Variants in TMEM132C observed in about 807,000 individuals in gnomAD.
TMEM132C encodes transmembrane protein 132C, also known as protein phosphatase 1, regulatory subunit 152.
In TMEM132C, 29 loss-of-function variants were observed where a neutral mutation model predicts 61.4. The observed-to-expected ratio is 0.47, with a 90% CI of 0.35 to 0.64. The LOEUF is 0.64. Among genes scored for constraint, TMEM132C ranks in the 30% least tolerant of loss-of-function variants. The pLI is 0.00. For missense variants in TMEM132C, 1,408 were observed against 1,476.9 expected (o/e 0.95, Z 0.76); for synonymous variants, 656 against 633.1 (o/e 1.04, Z -0.54).
At chr12:128,533,943 G>GCACA (rs1354225104) in intron 2 of TMEM132C, among the ~76,000 whole-genome samples, 8 of 105,334 alleles carry the variant, frequency 7.6e-5, no homozygotes, top group Non-Finnish European at 1.7e-4. Context: ...TCACACATGC[G>GCACA]CACATACACA....
intron 6 of TMEM132C, 108 bp from the exon 7 acceptor site, chr12:128,695,722 C>G (rs1350492130): frequency 7.9e-7 from 1 of 1,271,084 alleles, no homozygotes; most frequent in Admixed American, 2.8e-5. Context: ...TCCTGGCGCT[C>G]GTGTCTTCAA....
At chr12:128,380,915 A>T (rs965617895) in intron 1 of TMEM132C, among the ~76,000 whole-genome samples, 2 of 152,174 alleles carry the variant, frequency 1.3e-5, no homozygotes, top group East Asian at 1.9e-4. Flanking sequence ...CTCATGGCCA[A>T]CTGCACCGTA....
intron 2 of TMEM132C, among the ~76,000 whole-genome samples, chr12:128,422,645 G>T (rs568410744): frequency 2.0e-5 from 3 of 152,134 alleles, no homozygotes; most frequent in Non-Finnish European, 4.4e-5. Context: ...ATGTCTCAAC[G>T]CAGTGAAGAG....
intron 1 of TMEM132C, among the ~76,000 whole-genome samples, chr12:128,403,233 GA>G (rs1875230716): frequency 6.6e-6 from 1 of 152,132 alleles, no homozygotes; most frequent in Non-Finnish European, 1.5e-5. Flanking sequence ...ATGGAGAGAG[GA>G]AAAAATATTC....
At chr12:128,575,178 A>C (rs1178242993) in intron 3 of TMEM132C, among the ~76,000 whole-genome samples, 1 of 152,218 alleles carries the variant, frequency 6.6e-6, no homozygotes, top group Non-Finnish European at 1.5e-5. Flanking sequence ...AAGTCATCAT[A>C]CCTTATAAAT....
intron 3 of TMEM132C, among the ~76,000 whole-genome samples, chr12:128,572,363 G>C (rs1874921911): frequency 6.6e-6 from 1 of 151,976 alleles, no homozygotes; most frequent in African/African-American, 2.4e-5. Context: ...ACTACTTGTG[G>C]CCTCTGCTGA....
At chr12:128,581,638 G>A (rs887323373) in intron 3 of TMEM132C, among the ~76,000 whole-genome samples, 3 of 152,226 alleles carry the variant, frequency 2.0e-5, no homozygotes, top group Non-Finnish European at 4.4e-5. Context: ...CCCAGCTGGA[G>A]TGCGTTTCAG....
intron 3 of TMEM132C, among the ~76,000 whole-genome samples, chr12:128,550,999 G>A (rs75401829): frequency 0.026 from 3,891 of 152,278 alleles, 186 homozygotes; most frequent in African/African-American, 0.089. Flanking sequence ...TTCCCACAGG[G>A]TCAGGCTGCA....
chr12:128,301,485 A>G (rs1377635723), intron 1 of TMEM132C, among the ~76,000 whole-genome samples: 1 of 152,212 alleles, frequency 6.6e-6, no homozygotes, highest in Non-Finnish European at 1.5e-5. Flanking sequence ...ATAGTTTCCC[A>G]TCTTCTTTTT....
chr12:128,622,866 A>G (rs1953981212), intron 4 of TMEM132C, among the ~76,000 whole-genome samples: 1 of 152,078 alleles, frequency 6.6e-6, no homozygotes, highest in Non-Finnish European at 1.5e-5. Context: ...CCAACTTCAA[A>G]ATGTTTCTAT....
Position 128,656,243 on chromosome 12 carries a change from G to T in TMEM132C, c.1306-13174G>T, listed in dbSNP as rs542528798. On this transcript the variant is annotated intron_variant, in intron 4 of 8. Transcript: ENST00000435159. ...TTTTTATATTTTTAGTAGAGACAGGGTTTCACCATGTTGGCCAGGCTGGTC... is the reference window on the plus strand; with the variant it reads ...TTTTTATATTTTTAGTAGAGACAGGTTTTCACCATGTTGGCCAGGCTGGTC... 4.6e-4 allele frequency among the ~76,000 whole-genome samples: 70 copies of T among 152,202 alleles called. No individual in the cohort carries two copies. In the East Asian group the frequency reaches 0.011, roughly 24 times the overall value.
chr12:128,634,344 G>T (rs1296248080), intron 4 of TMEM132C, among the ~76,000 whole-genome samples: 2 of 152,234 alleles, frequency 1.3e-5, no homozygotes, highest in East Asian at 3.8e-4. Flanking sequence ...CAAAGTGCTG[G>T]GATTACAGGC....
intron 1 of TMEM132C, among the ~76,000 whole-genome samples, chr12:128,392,464 C>G (rs921947104): frequency 1.3e-5 from 2 of 151,938 alleles, no homozygotes; most frequent in Admixed American, 6.5e-5. Flanking sequence ...AGCTTCTATT[C>G]CAGTTTCTCA....
chr12:128,377,822 C>T (rs974479898), intron 1 of TMEM132C, among the ~76,000 whole-genome samples: 15 of 152,162 alleles, frequency 9.9e-5, no homozygotes, highest in Admixed American at 6.5e-4. Flanking sequence ...TCTGCGGACT[C>T]GTCAACATTG....
intron 2 of TMEM132C, among the ~76,000 whole-genome samples, chr12:128,510,150 G>A (rs374347542): frequency 2.6e-5 from 4 of 152,294 alleles, no homozygotes; most frequent in East Asian, 1.9e-4. Flanking sequence ...GAGAAGGATC[G>A]GGGACCTGGG....
chr12:128,681,239 CA>C (rs1430926426), intron 5 of TMEM132C, among the ~76,000 whole-genome samples: 1 of 152,152 alleles, frequency 6.6e-6, no homozygotes, highest in Non-Finnish European at 1.5e-5. Context: ...CTTGGCCTCC[CA>C]AAGTGCTGGG....
intron 1 of TMEM132C, among the ~76,000 whole-genome samples, chr12:128,405,275 T>C (rs1875302029): frequency 6.6e-6 from 1 of 152,136 alleles, no homozygotes; most frequent in Admixed American, 6.5e-5. Flanking sequence ...CCACTTATGA[T>C]TCCTTAATCT....
chr12:128,428,597 A>G (rs1412415891), intron 2 of TMEM132C, among the ~76,000 whole-genome samples: 1 of 152,196 alleles, frequency 6.6e-6, no homozygotes, highest in Non-Finnish European at 1.5e-5. Context: ...CACCAAAAAC[A>G]TGCTGTCTGT....
intron 1 of TMEM132C, among the ~76,000 whole-genome samples, chr12:128,339,740 G>T (rs1872897866): frequency 6.6e-6 from 1 of 151,682 alleles, no homozygotes; most frequent in East Asian, 1.9e-4. Context: ...TTGAGGAGCT[G>T]ATCCTGCTGC....
Sources: gnomAD v4.1 joint callset for allele counts (sites outside exome capture counted in the v4.1 genomes callset) on GRCh38, gnomAD v4.1.1 for gene constraint, MANE v1.5 for transcripts, NCBI Gene and HGNC (gene_info 2026-07-23, HGNC 2026-07-21) for gene names.